LEPR: variants seen among roughly 807,000 people sequenced by gnomAD.
The protein encoded by LEPR is leptin receptor.
In LEPR, 56 loss-of-function variants were observed where a neutral mutation model predicts 114.7. The observed-to-expected ratio is 0.49, with a 90% confidence interval of 0.39 to 0.61. LEPR has a LOEUF of 0.61. Among genes scored for constraint, LEPR ranks in the 20% least tolerant of loss-of-function variants. The pLI, the probability that LEPR is intolerant of heterozygous loss-of-function variation, is 0.00. For synonymous variants in LEPR, 443 were observed against 461.4 expected, an observed-to-expected ratio of 0.96 and a Z score of 0.51; for missense variants, 1,202 against 1,352.9, an observed-to-expected ratio of 0.89 and a Z score of 1.75.
intron 5 of LEPR, among the ~76,000 whole-genome samples, chr1:65,579,470 C>T (rs1654831737): frequency 6.6e-6 from 1 of 152,138 alleles, no homozygotes; most frequent in Admixed American, 6.5e-5. Context: ...GAAGGTTTAC[C>T]TCAACTTCTG....
chr1:65,620,498 G>C (rs760921769), intron 17 of LEPR, among the ~76,000 whole-genome samples: 1 of 152,150 alleles, frequency 6.6e-6, no homozygotes, highest in Non-Finnish European at 1.5e-5. Context: ...CTCTAATTGA[G>C]AGTGATGGGC....
intron 2 of LEPR, chr1:65,433,753 A>G (rs1331590790): frequency 1.2e-5 from 11 of 919,214 alleles, no homozygotes; most frequent in Non-Finnish European, 1.3e-5. Flanking sequence ...GGCATTTTTA[A>G]TAATGACACT....
chr1:65,546,087 T>C (rs1156446860), intron 2 of LEPR, among the ~76,000 whole-genome samples: 1 of 152,120 alleles, frequency 6.6e-6, no homozygotes, highest in East Asian at 1.9e-4. Context: ...TTGCTTGTTT[T>C]TCTCAGGTTT....
chr1:65,619,929 T>A lies in LEPR; in HGVS notation c.2397T>A (p.Asp799Glu), dbSNP rs746887338. 2 of 1,611,342 alleles carry A rather than the reference T, an allele frequency of 1.2e-6. No homozygotes were observed. Among genetic ancestry groups the A allele is most frequent in the South Asian group, 2.2e-5 (2 of 91,004 alleles). The change falls in exon 17 of 20, where the codon GAT becomes GAA. Residue 799 changes from aspartate (D) to glutamate (E), a missense_variant and splice_region_variant. By Grantham distance (45) the Asp-to-Glu change is conservative. Transcript: ENST00000349533. ...CCTTTTACGTATTTTTCTCCTCAGATCATTTTATCCCCATTGAGAAGTACC... is the reference window on the plus strand; with the variant it reads ...CCTTTTACGTATTTTTCTCCTCAGAACATTTTATCCCCATTGAGAAGTACC... ...SSSVKKYYIH[D>E]HFIPIEKYQF...
intron 2 of LEPR, among the ~76,000 whole-genome samples, chr1:65,449,434 T>G (rs1194209971): frequency 1.3e-5 from 2 of 152,048 alleles, no homozygotes; most frequent in African/African-American, 4.8e-5. Context: ...GCTGCCTCCC[T>G]CTCGGACCCT....
intron 8 of LEPR, 120 bp downstream of exon 8, chr1:65,598,924 C>A: frequency 6.8e-7 from 1 of 1,460,104 alleles, no homozygotes; most frequent in South Asian, 1.2e-5. Flanking sequence ...ACAGTATCAA[C>A]TTCCTTGTTT....
intron 2 of LEPR, among the ~76,000 whole-genome samples, chr1:65,529,323 A>G (rs1650210929): frequency 6.6e-6 from 1 of 151,910 alleles, no homozygotes; most frequent in Non-Finnish European, 1.5e-5. Flanking sequence ...GTTCAAGACC[A>G]GCTTGGCCAA....
intron 2 of LEPR, among the ~76,000 whole-genome samples, chr1:65,453,066 T>C (rs1646810649): frequency 6.6e-6 from 1 of 152,338 alleles, no homozygotes; most frequent in African/African-American, 2.4e-5. Flanking sequence ...TTTATTTGCA[T>C]AGAGGTGTTT....
At chr1:65,626,378 T>A (rs559260891) in intron 19 of LEPR, 32 of 1,160,846 alleles carry the variant, frequency 2.8e-5, no homozygotes, top group African/African-American at 7.9e-5. Context: ...ACTGATTTTT[T>A]AAAAATCTCT....
intron 19 of LEPR, among the ~76,000 whole-genome samples, chr1:65,624,813 A>C (rs1289341880): frequency 6.6e-6 from 1 of 152,240 alleles, no homozygotes; most frequent in African/African-American, 2.4e-5. Context: ...CTAATATTGT[A>C]GACATAATGA....
At chr1:65,453,381 A>G (rs1388687787) in intron 2 of LEPR, among the ~76,000 whole-genome samples, 2 of 151,880 alleles carry the variant, frequency 1.3e-5, no homozygotes, top group African/African-American at 2.4e-5. Flanking sequence ...TAGGGTGTCA[A>G]TTTTGGATCT....
At chr1:65,440,303 G>A (rs2100276989) in intron 2 of LEPR, among the ~76,000 whole-genome samples, 1 of 151,064 alleles carries the variant, frequency 6.6e-6, no homozygotes, top group South Asian at 2.1e-4. Flanking sequence ...TATTCTAGGT[G>A]CTGGAGATAG....
At chr1:65,438,205 T>C (rs1646592628) in intron 2 of LEPR, among the ~76,000 whole-genome samples, 1 of 150,090 alleles carries the variant, frequency 6.7e-6, no homozygotes, top group Non-Finnish European at 1.5e-5. Context: ...AATAGCTTGA[T>C]TTAGGAAATG....
chr1:65,478,766 G>C (rs1647185552), intron 2 of LEPR, among the ~76,000 whole-genome samples: 1 of 152,182 alleles, frequency 6.6e-6, no homozygotes, highest in South Asian at 2.1e-4. Context: ...CAGCGCCAGT[G>C]AATCTACCCT....
At chr1:65,456,435 A>G (rs1010769063) in intron 2 of LEPR, among the ~76,000 whole-genome samples, 1 of 152,108 alleles carries the variant, frequency 6.6e-6, no homozygotes, top group African/African-American at 2.4e-5. Context: ...AACTACAATC[A>G]TGGATTCATC....
At chr1:65,571,791 CAAAAAAAAAAA>C (rs34139057) in intron 4 of LEPR, among the ~76,000 whole-genome samples, 1 of 73,692 alleles carries the variant, frequency 1.4e-5, no homozygotes, top group Non-Finnish European at 2.6e-5. Context: ...CCATCTCTAC[CAAAAAAAAAAA>C]AAAAAAAAAA....
intron 2 of LEPR, among the ~76,000 whole-genome samples, chr1:65,488,133 C>A (rs1306275967): frequency 7.8e-6 from 1 of 128,366 alleles, no homozygotes; most frequent in African/African-American, 3.3e-5. Flanking sequence ...TTCTTTCCCT[C>A]CCTCCCTCTC....
At chr1:65,535,228 G>A (rs755445210) in intron 2 of LEPR, among the ~76,000 whole-genome samples, 5 of 151,618 alleles carry the variant, frequency 3.3e-5, no homozygotes, top group Admixed American at 6.6e-5. Flanking sequence ...TGCTGTTATA[G>A]TAGTAAGATG....
intron 2 of LEPR, chr1:65,429,794 A>G (rs1029930810): frequency 1.6e-5 from 20 of 1,233,190 alleles, no homozygotes; most frequent in Middle Eastern, 3.0e-4. Context: ...TTGAAATAGT[A>G]GTATGTCTTT....
Sources: allele counts gnomAD v4.1 joint callset (sites outside exome capture counted in the v4.1 genomes callset), GRCh38; gene constraint gnomAD v4.1.1; transcripts MANE v1.5; gene names NCBI Gene and HGNC (gene_info 2026-07-23, HGNC 2026-07-21).